Variants in FUT8 observed in about 807,000 individuals in gnomAD.
FUT8 encodes fucosyltransferase 8.
Under a neutral mutation model 71.3 loss-of-function variants are expected in FUT8, and 29 were observed. The ratio of observed to expected loss-of-function variants is 0.41; its 90% CI spans 0.30 to 0.55. FUT8 has a LOEUF of 0.55. Ranked by LOEUF, FUT8 falls within the 20% of genes least tolerant of loss-of-function variation. The pLI is 0.34. For missense variants in FUT8, 544 were observed against 702.1 expected (o/e 0.77, Z 2.55); for synonymous variants, 254 against 239.3 (o/e 1.06, Z -0.57).
intron 9 of FUT8, among the ~76,000 whole-genome samples, chr14:65,730,384 T>C (rs1895913997): frequency 6.6e-6 from 1 of 152,272 alleles, no homozygotes; most frequent in East Asian, 1.9e-4. Flanking sequence ...CATGTTAAGA[T>C]TGAGTCCGAC....
intron 2 of FUT8, among the ~76,000 whole-genome samples, chr14:65,544,845 G>A (rs1011556472): frequency 1.3e-5 from 2 of 152,056 alleles, no homozygotes; most frequent in African/African-American, 4.8e-5. Flanking sequence ...TATGATAGAT[G>A]AGTATAAGTA....
intron 3 of FUT8, among the ~76,000 whole-genome samples, chr14:65,615,290 A>T (rs1479269329): frequency 2.0e-5 from 3 of 151,994 alleles, no homozygotes; most frequent in Admixed American, 2.0e-4. Flanking sequence ...TCATTTTTGT[A>T]ATGATGGGGG....
At chr14:65,695,013 T>C (rs1893918671) in intron 7 of FUT8, among the ~76,000 whole-genome samples, 1 of 152,100 alleles carries the variant, frequency 6.6e-6, no homozygotes, top group South Asian at 2.1e-4. Flanking sequence ...CTGCACATTG[T>C]GCACATGTAC....
intron 7 of FUT8, among the ~76,000 whole-genome samples, chr14:65,718,812 C>T (rs1258674168): frequency 1.3e-5 from 2 of 152,090 alleles, no homozygotes. Flanking sequence ...GTAATGTTTC[C>T]ACTGAAAAGT....
intron 2 of FUT8, among the ~76,000 whole-genome samples, chr14:65,505,673 T>C (rs1179347647): frequency 6.6e-6 from 1 of 152,178 alleles, no homozygotes; most frequent in Non-Finnish European, 1.5e-5. Context: ...TTCAGGAATG[T>C]ATTTTGTATT....
intron 9 of FUT8, among the ~76,000 whole-genome samples, chr14:65,732,523 C>G (rs546363824): frequency 6.6e-6 from 1 of 152,296 alleles, no homozygotes; most frequent in South Asian, 2.1e-4. Context: ...CTATTATATT[C>G]CAGATTCTTT....
intron 2 of FUT8, among the ~76,000 whole-genome samples, chr14:65,539,703 G>A (rs1884562313): frequency 6.6e-6 from 1 of 152,160 alleles, no homozygotes; most frequent in Non-Finnish European, 1.5e-5. Flanking sequence ...GGGTTGTTGT[G>A]AGGCCTGAAT....
At chr14:65,507,403 T>C (rs2066752511) in intron 2 of FUT8, among the ~76,000 whole-genome samples, 1 of 152,188 alleles carries the variant, frequency 6.6e-6, no homozygotes, top group Admixed American at 6.5e-5. Flanking sequence ...CTAGGTCTTA[T>C]TCATTCATCC....
chr14:65,665,731 A>G (rs767060121), intron 6 of FUT8, among the ~76,000 whole-genome samples: 2 of 152,168 alleles, frequency 1.3e-5, no homozygotes, highest in African/African-American at 2.4e-5. Context: ...ATACATATAC[A>G]CCATGGAATA....
intron 6 of FUT8, among the ~76,000 whole-genome samples, chr14:65,635,145 C>G (rs552588757): frequency 1.5e-4 from 23 of 152,052 alleles, no homozygotes; most frequent in Admixed American, 8.5e-4. Context: ...TCTGCTTGGT[C>G]GCTGTTGGTG....
chr14:65,484,909 C>T (rs1032038904), intron 2 of FUT8, among the ~76,000 whole-genome samples: 1 of 151,628 alleles, frequency 6.6e-6, no homozygotes, highest in African/African-American at 2.4e-5. Flanking sequence ...TTTTTTTCTT[C>T]TACGGTGTCT....
intron 7 of FUT8, among the ~76,000 whole-genome samples, chr14:65,710,781 G>A (rs963993105): frequency 2.0e-5 from 3 of 152,118 alleles, no homozygotes; most frequent in African/African-American, 7.2e-5. Context: ...TCAAGGCTGA[G>A]TAATTTATAA....
intron 2 of FUT8, among the ~76,000 whole-genome samples, chr14:65,525,376 G>T (rs1883381668): frequency 6.6e-6 from 1 of 152,106 alleles, no homozygotes. Context: ...ATTCTCTGAT[G>T]GTAGTTTGTA....
chr14:65,384,492 A>G, the FUT8 span, among the ~76,000 whole-genome samples: 1,066 of 152,326 alleles, frequency 7.0e-3, 10 homozygotes, highest in African/African-American at 0.024. This position sits in a 1 kb window ranked among gnomAD's most constrained non-coding sequence, Gnocchi z 4.2. Context: ...AAAGTCTTCC[A>G]CCATTTTTGT....
At position 65,607,483 on chromosome 14, in the gene FUT8, C is replaced by A. The variant is rs1446344647; in HGVS notation, c.204-8495C>A. Among the ~76,000 whole-genome samples the A allele has an allele frequency of 1.3e-5, 2 of 151,672 alleles. 1 individual carries two copies. Among genetic ancestry groups the A allele is most frequent in the Non-Finnish European group, 2.9e-5 (2 of 67,856 alleles). On this transcript the variant is annotated intron_variant, in intron 3 of 10. Coordinates refer to ENST00000673929, the MANE Select transcript of FUT8 (RefSeq NM_001371533.1). This position sits in a 1 kb window ranked among gnomAD's most constrained non-coding sequence, Gnocchi z 4.1. ...TTTTGTTTTAATTTGTTAATGTAATCAATTTAAATTAATAGTTTTTCTAAT... is the reference window on the plus strand; with the variant it reads ...TTTTGTTTTAATTTGTTAATGTAATAAATTTAAATTAATAGTTTTTCTAAT...
chr14:65,720,661 G>A (rs965086419), intron 7 of FUT8, among the ~76,000 whole-genome samples: 3 of 152,120 alleles, frequency 2.0e-5, no homozygotes, highest in Non-Finnish European at 4.4e-5. Flanking sequence ...AATGACTCTC[G>A]AACCCAGCAC....
At chr14:65,641,121 G>A (rs981741392) in intron 6 of FUT8, among the ~76,000 whole-genome samples, 2 of 152,146 alleles carry the variant, frequency 1.3e-5, no homozygotes, top group African/African-American at 4.8e-5. Flanking sequence ...TCAAGATAGT[G>A]AACTTATTTA....
intron 2 of FUT8, among the ~76,000 whole-genome samples, chr14:65,505,306 GTTT>G (rs1001286768): frequency 3.1e-5 from 3 of 95,764 alleles, no homozygotes; most frequent in South Asian, 3.5e-4. Context: ...CTACATTTCA[GTTT>G]TTTTTTTTTT....
intron 7 of FUT8, among the ~76,000 whole-genome samples, chr14:65,692,966 G>A (rs1328070004): frequency 8.6e-4 from 130 of 151,722 alleles, no homozygotes; most frequent in Middle Eastern, 3.4e-3. Context: ...GGGAAGAGGC[G>A]CTCCTCGCTT....
Sources: gnomAD v4.1 joint callset for allele counts (sites outside exome capture counted in the v4.1 genomes callset) on GRCh38, gnomAD v4.1.1 for gene constraint, Gnocchi (gnomAD v3.1) non-coding constraint, MANE v1.5 for transcripts, NCBI Gene and HGNC (gene_info 2026-07-23, HGNC 2026-07-21) for gene names.